The following EYS variants were observed in gnomAD, a reference collection of about 807,000 sequenced individuals.
EYS encodes the protein EGF-like photoreceptor maintenance factor.
In EYS, 250 loss-of-function variants were observed where a neutral mutation model predicts 282.1. The observed-to-expected ratio is 0.89, with a 90% CI of 0.80 to 0.98. EYS has a LOEUF of 0.98. Among genes scored for constraint, EYS ranks in the 50% least tolerant of loss-of-function variants. EYS has a pLI of 0.00. For synonymous variants in EYS, 1,355 were observed against 1,282.9 expected, an observed-to-expected ratio of 1.06 and a Z score of -1.20; for missense variants, 4,016 against 3,709.0, an observed-to-expected ratio of 1.08 and a Z score of -2.15.
Position 64,472,429 on chromosome 6 carries a change from A to C in EYS, c.5645-33077T>G, listed in dbSNP as rs1776147861. ...GATCAGAAGAAAAACACACAATCAA[A>C]TTTGGTTAATAGATTTGGGGTGTTT... is the stretch of plus-strand genomic sequence containing the variant. On this transcript the variant is annotated intron_variant, in intron 26 of 42. Transcript: ENST00000503581. Among the ~76,000 whole-genome samples the C allele has an allele frequency of 2.0e-5, 3 of 152,156 alleles. 1 individual carries two copies. In the South Asian group the frequency reaches 6.2e-4, roughly 31 times the overall value.
At chr6:65,082,794 T>A (rs1269040346) in intron 12 of EYS, among the ~76,000 whole-genome samples, 3 of 141,636 alleles carry the variant, frequency 2.1e-5, no homozygotes, top group African/African-American at 5.4e-5. Flanking sequence ...ATCATAATTT[T>A]AAAATATATG....
At chr6:64,730,177 A>C (rs557523304) in intron 22 of EYS, among the ~76,000 whole-genome samples, 29 of 152,286 alleles carry the variant, frequency 1.9e-4, no homozygotes, top group Middle Eastern at 3.4e-3. Context: ...GAGCCCTAAA[A>C]TGCAAGGGAG....
intron 12 of EYS, among the ~76,000 whole-genome samples, chr6:65,242,178 T>A (rs697306): frequency 0.34 from 51,402 of 151,896 alleles, 10,108 homozygotes; most frequent in African/African-American, 0.55. Flanking sequence ...CATTTAAAGT[T>A]TGCAATTCAG....
chr6:64,393,966 C>T (rs1247212225), intron 28 of EYS, among the ~76,000 whole-genome samples: 1 of 151,954 alleles, frequency 6.6e-6, no homozygotes, highest in Admixed American at 6.6e-5. Context: ...ACAAAAATCA[C>T]AAGCATTCTT....
chr6:63,766,993 C>T (rs1313433841), intron 40 of EYS, among the ~76,000 whole-genome samples: 1 of 151,868 alleles, frequency 6.6e-6, no homozygotes, highest in African/African-American at 2.4e-5. Context: ...ATATCATGTC[C>T]TCAATAGATG....
chr6:64,100,024 T>A (rs1772772682), intron 31 of EYS, among the ~76,000 whole-genome samples: 1 of 152,214 alleles, frequency 6.6e-6, no homozygotes, highest in Non-Finnish European at 1.5e-5. Context: ...TCTCAGTTTT[T>A]TGTTTTTCTG....
chr6:64,421,858 GGGGTGTGTGTGTGTGT>G (rs1401617524), intron 28 of EYS, among the ~76,000 whole-genome samples: 9 of 52,762 alleles, frequency 1.7e-4, no homozygotes, highest in East Asian at 1.7e-3. Flanking sequence ...TTTTGTTTGG[GGGGTGTGTGTGTGTGT>G]GTGTGTGTGT....
At chr6:65,195,271 C>T (rs1170724044) in intron 12 of EYS, among the ~76,000 whole-genome samples, 1 of 151,902 alleles carries the variant, frequency 6.6e-6, no homozygotes, top group African/African-American at 2.4e-5. Context: ...TTTACAATTC[C>T]ATCATCAACT....
At chr6:64,721,710 T>C (rs79061581) in intron 22 of EYS, among the ~76,000 whole-genome samples, 2,880 of 152,288 alleles carry the variant, frequency 0.019, 109 homozygotes, top group African/African-American at 0.065. Context: ...AAGAGAACTT[T>C]AGAGATTATT....
chr6:64,844,994 C>A (rs1765675976), intron 19 of EYS, among the ~76,000 whole-genome samples: 1 of 152,064 alleles, frequency 6.6e-6, no homozygotes, highest in Admixed American at 6.6e-5. Flanking sequence ...TTATAAAACA[C>A]CTAATCAAAT....
chr6:64,293,644 C>T lies in EYS; in HGVS notation c.6191+13326G>A, dbSNP rs142098617. On this transcript the variant is annotated intron_variant, in intron 30 of 42. Coordinates refer to ENST00000503581, the MANE Select transcript of EYS (RefSeq NM_001142800.2). ...GTAGCTTTAAAGGTGTATGTAAATGCTATGTTTCTTGTAGTTAATTTTTTT... is the reference window on the plus strand; with the variant it reads ...GTAGCTTTAAAGGTGTATGTAAATGTTATGTTTCTTGTAGTTAATTTTTTT... Among the ~76,000 whole-genome samples the T allele has an allele frequency of 8.7e-3, 1,318 of 152,074 alleles. 27 individuals are homozygous for T. Among genetic ancestry groups the T allele is most frequent in the African/African-American group, 0.029 (1,208 of 41,520 alleles).
At chr6:65,102,622 T>G (rs1232120343) in intron 12 of EYS, among the ~76,000 whole-genome samples, 2 of 151,246 alleles carry the variant, frequency 1.3e-5, no homozygotes, top group African/African-American at 4.8e-5. Flanking sequence ...AAACTTTAAA[T>G]TTTTGGGGAA....
At chr6:64,898,353 G>A (rs6902191) in intron 18 of EYS, among the ~76,000 whole-genome samples, 108,358 of 151,894 alleles carry the variant, frequency 0.71, 39,651 homozygotes, top group African/African-American at 0.89. Context: ...CAGCCAAACT[G>A]AGATTCACAA....
At chr6:65,245,090 A>T (rs1027003977) in intron 12 of EYS, among the ~76,000 whole-genome samples, 6 of 152,188 alleles carry the variant, frequency 3.9e-5, no homozygotes, top group African/African-American at 1.4e-4. Flanking sequence ...GTCATTTTGA[A>T]CAGTACTAGA....
rs1006322422 is a variant in EYS, at chr6:64,469,852, G to A, written c.5645-30500C>T. On this transcript the variant is annotated intron_variant, in intron 26 of 42. Coordinates refer to ENST00000503581, the MANE Select transcript of EYS (RefSeq NM_001142800.2). The stretch of plus-strand genomic sequence containing the variant: ...GCTTCAGTGGTCACGCTCCTAGTCC[G>A]CCTTCACGTTCCATCCTGTACACCT... Among the ~76,000 whole-genome samples, 7 of 152,076 alleles carry A rather than the reference G, an allele frequency of 4.6e-5. No individual in the cohort carries two copies. The East Asian group carries it at 9.6e-4, about 21-fold the overall frequency.
intron 13 of EYS, among the ~76,000 whole-genome samples, chr6:65,008,520 C>G (rs966744327): frequency 4.5e-4 from 69 of 152,260 alleles, no homozygotes; most frequent in African/African-American, 1.6e-3. Context: ...TTCGGAGGCT[C>G]TGGAAAAGGG....
intron 5 of EYS, among the ~76,000 whole-genome samples, chr6:65,482,904 C>T (rs566099262): frequency 7.2e-5 from 11 of 152,252 alleles, no homozygotes; most frequent in African/African-American, 2.6e-4. Flanking sequence ...CTGACAATCA[C>T]CTGTTTCTAC....
chr6:63,742,004 G>A (rs1434828149), intron 41 of EYS: 1 of 701,140 alleles, frequency 1.4e-6, no homozygotes, highest in East Asian at 2.7e-5. Context: ...GGTCTTTTTT[G>A]TCTGCTGCTA....
chr6:65,697,364 A>G (rs1242052095), intron 1 of EYS, among the ~76,000 whole-genome samples: 1 of 152,102 alleles, frequency 6.6e-6, no homozygotes, highest in African/African-American at 2.4e-5. Context: ...TACTGCAGGC[A>G]TGCTTTACAA....
Sources: gnomAD v4.1 joint callset for allele counts (sites outside exome capture counted in the v4.1 genomes callset) on GRCh38, gnomAD v4.1.1 for gene constraint, MANE v1.5 for transcripts, NCBI Gene and HGNC (gene_info 2026-07-23, HGNC 2026-07-21) for gene names.